RAPGEF5: variants seen among roughly 807,000 people sequenced by gnomAD.
RAPGEF5 encodes Rap guanine nucleotide exchange factor 5.
A neutral mutation model predicts 125.2 loss-of-function variants in RAPGEF5; 65 were observed. That is an observed-to-expected ratio of 0.52 (90% confidence interval 0.43 to 0.64). The LOEUF is 0.64. Ranked by LOEUF, RAPGEF5 falls within the 30% of genes least tolerant of loss-of-function variation. The probability of loss-of-function intolerance (pLI) is 0.00; values close to 1 mark genes in which losing one functional copy is unlikely to be tolerated. For synonymous variants in RAPGEF5, 391 were observed against 385.9 expected (o/e 1.01, Z -0.16); for missense variants, 958 against 1,048.1 (o/e 0.91, Z 1.19).
intron 21 of RAPGEF5, 23 bp downstream of exon 21, chr7:22,140,002 C>T: frequency 6.5e-7 from 1 of 1,532,714 alleles, no homozygotes; most frequent in Non-Finnish European, 8.9e-7. Context: ...ATGTGCCCCT[C>T]ACCATGGGAC....
intron 3 of RAPGEF5, among the ~76,000 whole-genome samples, chr7:22,312,657 C>A (rs908837468): frequency 1.3e-5 from 2 of 152,160 alleles, no homozygotes; most frequent in Non-Finnish European, 2.9e-5. Context: ...ACTGTCGTAA[C>A]AATATTAATT....
At chr7:22,347,550 A>C (rs1460526027) in intron 1 of RAPGEF5, among the ~76,000 whole-genome samples, 1 of 152,172 alleles carries the variant, frequency 6.6e-6, no homozygotes. Flanking sequence ...TCAATTTTGA[A>C]AGTGTCAAAA....
chr7:22,185,811 C>G (rs974654009), intron 11 of RAPGEF5, among the ~76,000 whole-genome samples: 22 of 152,054 alleles, frequency 1.4e-4, no homozygotes, highest in Non-Finnish European at 5.9e-5. Flanking sequence ...TGAATTCAGT[C>G]TCTCACTGAT....
intron 23 of RAPGEF5, among the ~76,000 whole-genome samples, chr7:22,134,086 T>C (rs1174303407): frequency 6.6e-6 from 1 of 152,232 alleles, no homozygotes; most frequent in Non-Finnish European, 1.5e-5. Flanking sequence ...ACTAAGTTGG[T>C]TGTTCTAAAA....
At chr7:22,341,356 C>G (rs550758077) in intron 1 of RAPGEF5, among the ~76,000 whole-genome samples, 1 of 152,180 alleles carries the variant, frequency 6.6e-6, no homozygotes, top group Non-Finnish European at 1.5e-5. Context: ...TCCCACAACA[C>G]GTGAGAATTC....
chr7:22,194,859 G>A, intron 9 of RAPGEF5: 1 of 746,220 alleles, frequency 1.3e-6, no homozygotes. Context: ...TGCTGACCCA[G>A]CAGGGTGGCC....
intron 1 of RAPGEF5, chr7:22,356,207 C>A: frequency 1.0e-6 from 1 of 985,508 alleles, no homozygotes; most frequent in South Asian, 4.7e-5. Flanking sequence ...TCTGAACACA[C>A]CATCAGGAAG....
chr7:22,148,848 A>G (rs1783528336), intron 18 of RAPGEF5, among the ~76,000 whole-genome samples: 1 of 152,162 alleles, frequency 6.6e-6, no homozygotes, highest in Non-Finnish European at 1.5e-5. Context: ...CTACCGCAAC[A>G]AGCCCCACAG....
intron 5 of RAPGEF5, among the ~76,000 whole-genome samples, chr7:22,303,963 G>C (rs1191206392): frequency 6.6e-6 from 1 of 152,186 alleles, no homozygotes; most frequent in African/African-American, 2.4e-5. Context: ...AAGTAAAGAG[G>C]GGTGGGCCAG....
chr7:22,219,401 G>C (rs1380882462), intron 9 of RAPGEF5, among the ~76,000 whole-genome samples: 1 of 151,214 alleles, frequency 6.6e-6, no homozygotes. Context: ...CACTTGGTGA[G>C]AGCATCTATA....
chr7:22,236,004 C>T (rs1291336112), intron 7 of RAPGEF5, among the ~76,000 whole-genome samples: 1 of 152,180 alleles, frequency 6.6e-6, no homozygotes, highest in Non-Finnish European at 1.5e-5. Context: ...CATAAAGCCA[C>T]TCCATATGGT....
chr7:22,287,531 G>A lies in RAPGEF5; in HGVS notation c.747+3644C>T, dbSNP rs146984793. On this transcript the variant is annotated intron_variant, in intron 6 of 25. Transcript: ENST00000665637. The stretch of plus-strand genomic sequence containing the variant: ...AAATGGTGAATATACAAGAGGGCAC[G>A]GTTGACTGTACTGCTGGAAACCACT... Among the ~76,000 whole-genome samples the A allele has an allele frequency of 3.9e-4, 60 of 152,254 alleles. 1 individual carries two copies. In the East Asian group the frequency reaches 8.7e-3, roughly 22 times the overall value.
intron 3 of RAPGEF5, among the ~76,000 whole-genome samples, chr7:22,311,183 C>T (rs1783462192): frequency 6.6e-6 from 1 of 152,084 alleles, no homozygotes; most frequent in South Asian, 2.1e-4. Flanking sequence ...TCACCACTGG[C>T]TAATTTTTGT....
At chr7:22,131,199 T>C in intron 23 of RAPGEF5, 98 bp from the exon 24 acceptor site, 2 of 1,374,546 alleles carry the variant, frequency 1.5e-6, no homozygotes, top group Non-Finnish European at 1.9e-6. Context: ...TCATTTTTCC[T>C]AAACATTATG....
intron 9 of RAPGEF5, among the ~76,000 whole-genome samples, chr7:22,205,320 GA>G (rs1227905511): frequency 6.6e-6 from 1 of 152,152 alleles, no homozygotes. Flanking sequence ...CTCTAAGGTA[GA>G]AAACTTCTTA....
chr7:22,205,979 T>C (rs1221717950), intron 9 of RAPGEF5, among the ~76,000 whole-genome samples: 2 of 152,204 alleles, frequency 1.3e-5, no homozygotes, highest in African/African-American at 2.4e-5. Flanking sequence ...TTGATAGACA[T>C]ATTCAATCAG....
rs1312102900 is a variant in RAPGEF5, at chr7:22,154,618, A to G, written c.1637-14T>C. The stretch of plus-strand genomic sequence containing the variant: ...CGTGGCAGAAAACTGCACAAGTGAA[A>G]AGAATTGTTTGGAAACAGAGAACAG... On this transcript the variant is annotated splice_polypyrimidine_tract_variant and intron_variant, in intron 16 of 25. Transcript: ENST00000665637. 6.2e-7 allele frequency: 1 copy of G among 1,610,624 alleles called. No individual in the cohort carries two copies. The highest frequency in any genetic ancestry group is 1.1e-5 in the South Asian group (1 of 90,386).
At chr7:22,316,544 T>A (rs1031877437) in intron 2 of RAPGEF5, among the ~76,000 whole-genome samples, 4 of 145,762 alleles carry the variant, frequency 2.7e-5, no homozygotes, top group Non-Finnish European at 6.0e-5. Context: ...AAGCTGGAGT[T>A]CAGTGGAAAG....
chr7:22,160,433 C>T, intron 14 of RAPGEF5, 85 bp downstream of exon 14: 3 of 1,319,306 alleles, frequency 2.3e-6, no homozygotes, highest in Non-Finnish European at 1.0e-6. Flanking sequence ...TCAAAATCAA[C>T]TTTTATGTAT....
Sources: gnomAD v4.1 joint callset for allele counts (sites outside exome capture counted in the v4.1 genomes callset) on GRCh38, gnomAD v4.1.1 for gene constraint, MANE v1.5 for transcripts, NCBI Gene and HGNC (gene_info 2026-07-23, HGNC 2026-07-21) for gene names.